The following FFAR4 variants were observed in gnomAD, a reference collection of about 807,000 sequenced individuals.
The protein encoded by FFAR4 is free fatty acid receptor 4, also known as G-protein coupled receptor 120.
In FFAR4, 19 loss-of-function variants were observed where a neutral mutation model predicts 27.0. The ratio of observed to expected loss-of-function variants is 0.70; its 90% CI spans 0.49 to 1.03. The LOEUF is 1.03. FFAR4 is among the 50% of genes least tolerant of loss of function. The pLI is 0.00. For synonymous variants in FFAR4, 254 were observed against 215.6 expected, an observed-to-expected ratio of 1.18 and a Z score of -1.56; for missense variants, 476 against 479.0, an observed-to-expected ratio of 0.99 and a Z score of 0.06.
intron 1 of FFAR4, among the ~76,000 whole-genome samples, chr10:93,574,346 CCT>C (rs1564782667): frequency 1.3e-5 from 2 of 152,120 alleles, no homozygotes; most frequent in Non-Finnish European, 2.9e-5. Flanking sequence ...TTCTGTGTGT[CCT>C]CTGTTTTTCT....
chr10:93,578,390 C>T (rs1214934254), intron 2 of FFAR4, among the ~76,000 whole-genome samples: 1 of 131,464 alleles, frequency 7.6e-6, no homozygotes, highest in African/African-American at 3.0e-5. Context: ...GCACTCCAGC[C>T]TGGGCAACAA....
intron 2 of FFAR4, among the ~76,000 whole-genome samples, chr10:93,584,089 A>T (rs1002964537): frequency 6.6e-6 from 1 of 152,188 alleles, no homozygotes; most frequent in Non-Finnish European, 1.5e-5. Flanking sequence ...TGCCCAACTG[A>T]TATTCTCTTA....
chr10:93,587,898 C>T lies in FFAR4; in HGVS notation c.*289C>T, dbSNP rs187116199. The T allele has an allele frequency of 3.9e-3, 1,004 of 255,536 alleles. 13 individuals are homozygous for T. The highest frequency in any genetic ancestry group is 0.021 in the African/African-American group (927 of 44,824). The allele number at this position is 255,536 out of a possible 1,614,324, so 15.8% of individuals were successfully genotyped here. On this transcript the variant is annotated 3_prime_UTR_variant, in exon 3 of 3. Coordinates refer to ENST00000371481, the MANE Select transcript of FFAR4 (RefSeq NM_001195755.2). ...GTCAGGAGTTCGAGACCAACCTGACCAACATGGTGAGACCCCCGTCTCTAC... is the reference window on the plus strand; with the variant it reads ...GTCAGGAGTTCGAGACCAACCTGACTAACATGGTGAGACCCCCGTCTCTAC...
chr10:93,570,654 G>C (rs181481558), intron 1 of FFAR4, among the ~76,000 whole-genome samples: 6 of 152,248 alleles, frequency 3.9e-5, no homozygotes, highest in African/African-American at 1.4e-4. Context: ...AGCTTCTGCC[G>C]ACCCAAGAGC....
At chr10:93,575,165 G>A (rs980783184) in intron 1 of FFAR4, among the ~76,000 whole-genome samples, 2 of 152,154 alleles carry the variant, frequency 1.3e-5, no homozygotes, top group Non-Finnish European at 2.9e-5. Context: ...TACACAGCAC[G>A]TGCTCTTAAA....
chr10:93,570,617 G>C (rs983732314), intron 1 of FFAR4, among the ~76,000 whole-genome samples: 1 of 152,178 alleles, frequency 6.6e-6, no homozygotes, highest in African/African-American at 2.4e-5. Flanking sequence ...CCCTCAAGGA[G>C]CGCTGGCCAA....
rs370316092 is a variant in FFAR4, at chr10:93,576,098, C to T, written c.575C>T (p.Ser192Leu). Residue 192 changes from serine to leucine, a missense_variant, in exon 2 of 3, where the codon TCG (serine) becomes TTG (leucine). By Grantham distance (145) the Ser-to-Leu change is moderately radical. Coordinates refer to ENST00000371481, the MANE Select transcript of FFAR4 (RefSeq NM_001195755.2). ...TTTCCTTTTTGTAACTAGGAAATTT[C>T]GATTTGCACACTGATTTGGCCCACC... ...QRLPGADQEI[S>L]ICTLIWPTIP... 2.9e-5 allele frequency: 46 copies of T among 1,613,664 alleles called. No individual in the cohort carries two copies. Among genetic ancestry groups the T allele is most frequent in the Middle Eastern group, 1.7e-4 (1 of 6,060 alleles).
Position 93,576,123 on chromosome 10 carries a change from C to G in FFAR4, c.600C>G (p.Thr200=). The G allele has an allele frequency of 6.2e-7, 1 of 1,613,858 alleles. No homozygotes were observed. Among genetic ancestry groups the G allele is most frequent in the South Asian group, 1.1e-5 (1 of 91,064 alleles). The stretch of plus-strand genomic sequence containing the variant: ...CGATTTGCACACTGATTTGGCCCAC[C>G]ATTCCTGGAGAGATCTCGTGGGATG... ...EISICTLIWP[T]IPGEISWDVS... The change falls in exon 2 of 3, where the codon ACC becomes ACG. Residue 200 remains threonine, a synonymous_variant. Coordinates refer to ENST00000371481, the MANE Select transcript of FFAR4 (RefSeq NM_001195755.2).
At chr10:93,577,130 G>A (rs74150271) in intron 2 of FFAR4, among the ~76,000 whole-genome samples, 3,304 of 152,264 alleles carry the variant, frequency 0.022, 124 homozygotes, top group African/African-American at 0.076. Context: ...TTTATATCTC[G>A]TAAGGTAGCC....
chr10:93,567,270 C>A lies in FFAR4; in HGVS notation c.550C>A (p.Leu184Ile), dbSNP rs1442105935. ...CVFFRVVPQRLPGADQEISIC... is the reference protein window; with the variant it reads ...CVFFRVVPQRIPGADQEISIC... ...CTTCTTCCGAGTCGTCCCGCAACGG[C>A]TCCCCGGCGCCGACCAGGTGAGCGC... The change falls in exon 1 of 3, where the codon CTC (leucine) becomes ATC (isoleucine). Residue 184 changes from leucine to isoleucine, a missense_variant. By Grantham distance (5) the Leu-to-Ile change is conservative (BLOSUM62 2). Transcript: ENST00000371481. 6 of 1,599,438 alleles carry A rather than the reference C, an allele frequency of 3.8e-6. No individual in the cohort carries two copies. The South Asian group carries it at 5.5e-5, about 15-fold the overall frequency.
intron 1 of FFAR4, among the ~76,000 whole-genome samples, chr10:93,575,670 A>G (rs1173911344): frequency 6.6e-6 from 1 of 152,106 alleles, no homozygotes; most frequent in Non-Finnish European, 1.5e-5. Context: ...TCCTGTTTTG[A>G]TATGTTTGTT....
At chr10:93,580,661 G>A (rs1412911693) in intron 2 of FFAR4, among the ~76,000 whole-genome samples, 1 of 152,178 alleles carries the variant, frequency 6.6e-6, no homozygotes, top group East Asian at 1.9e-4. Context: ...TCTCTGCACT[G>A]GTGCTCCAAG....
At chr10:93,583,026 A>G (rs1410711517) in intron 2 of FFAR4, among the ~76,000 whole-genome samples, 1 of 151,998 alleles carries the variant, frequency 6.6e-6, no homozygotes, top group Non-Finnish European at 1.5e-5. Context: ...TCCTCCCTCC[A>G]CACGTGGGGA....
At position 93,567,220 on chromosome 10, in the gene FFAR4, C is replaced by T. The variant is rs778733130; in HGVS notation, c.500C>T (p.Ala167Val). The T allele has an allele frequency of 6.2e-7, 1 of 1,601,532 alleles. No homozygotes were observed. Among genetic ancestry groups the T allele is most frequent in the Non-Finnish European group, 8.5e-7 (1 of 1,179,462 alleles). The change falls in exon 1 of 3, where the codon GCG becomes GTG. Residue 167 changes from alanine to valine, a missense_variant. Coordinates refer to ENST00000371481, the MANE Select transcript of FFAR4 (RefSeq NM_001195755.2). ...VLLALIWGYS[A>V]VAALPLCVFF... Reference sequence around the variant, plus strand: ...CTGGCGCTCATCTGGGGCTATTCGGCGGTCGCCGCTCTGCCTCTCTGCGTC... The same window carrying T: ...CTGGCGCTCATCTGGGGCTATTCGGTGGTCGCCGCTCTGCCTCTCTGCGTC...
At chr10:93,573,919 T>C (rs1047952908) in intron 1 of FFAR4, among the ~76,000 whole-genome samples, 4 of 152,250 alleles carry the variant, frequency 2.6e-5, no homozygotes, top group Non-Finnish European at 5.9e-5. Flanking sequence ...ATGAACTTTT[T>C]TCTTTTATAA....
chr10:93,570,058 C>A (rs940164174), intron 1 of FFAR4, among the ~76,000 whole-genome samples: 10 of 145,844 alleles, frequency 6.9e-5, no homozygotes, highest in South Asian at 6.6e-4. Flanking sequence ...GACTCAATCT[C>A]AAAAAAAAAA....
At chr10:93,576,000 G>A (rs898395902) in intron 1 of FFAR4, 91 bp from the exon 2 acceptor site, 21 of 1,304,608 alleles carry the variant, frequency 1.6e-5, no homozygotes, top group African/African-American at 7.3e-5. Context: ...CAATGCAACC[G>A]TGTAAGTGTC....
chr10:93,579,080 C>T (rs899241785), intron 2 of FFAR4: 11 of 1,314,110 alleles, frequency 8.4e-6, no homozygotes, highest in Middle Eastern at 2.0e-4. Flanking sequence ...CTTTTAGCCA[C>T]CCACCTCTAA....
rs2134559959 is a variant in FFAR4, at chr10:93,587,817, G to A, written c.*208G>A. The A allele has an allele frequency of 1.9e-6, 1 of 518,156 alleles. No homozygotes were observed. The highest frequency in any genetic ancestry group is 3.4e-6 in the Non-Finnish European group (1 of 294,414). The allele number at this position is 518,156 out of a possible 1,614,324, so 32.1% of individuals were successfully genotyped here. On this transcript the variant is annotated 3_prime_UTR_variant, in exon 3 of 3. Coordinates refer to ENST00000371481, the MANE Select transcript of FFAR4 (RefSeq NM_001195755.2). ...AAAGGATTTGTTGGCCAGGTGCAGTGGTTCATGCCTGTAATCCCAGCAGTT... is the reference window on the plus strand; with the variant it reads ...AAAGGATTTGTTGGCCAGGTGCAGTAGTTCATGCCTGTAATCCCAGCAGTT...
Sources: allele counts gnomAD v4.1 joint callset (sites outside exome capture counted in the v4.1 genomes callset), GRCh38; gene constraint gnomAD v4.1.1; transcripts MANE v1.5; gene names NCBI Gene and HGNC (gene_info 2026-07-23, HGNC 2026-07-21).